The following CDH13 variants were observed in gnomAD, a reference collection of about 807,000 sequenced individuals.
CDH13 encodes cadherin-13.
Under a neutral mutation model 63.8 loss-of-function variants are expected in CDH13, and 24 were observed. The ratio of observed to expected loss-of-function variants is 0.38; its 90% CI spans 0.27 to 0.53. CDH13 has a LOEUF of 0.53. CDH13 is among the 20% of genes least tolerant of loss of function. CDH13 has a pLI of 0.85. For missense variants in CDH13, 1,049 were observed against 903.1 expected, an observed-to-expected ratio of 1.16 and a Z score of -2.07; for synonymous variants, 503 against 355.3, an observed-to-expected ratio of 1.42 and a Z score of -4.67.
intron 9 of CDH13, 145 bp from the exon 10 acceptor site, chr16:83,678,063 C>A: frequency 1.6e-6 from 1 of 636,354 alleles, no homozygotes; most frequent in Non-Finnish European, 2.7e-6. Context: ...AAAGATAGCC[C>A]CCCAGTTACA....
At chr16:83,379,532 G>A (rs2091517939) in intron 6 of CDH13, among the ~76,000 whole-genome samples, 1 of 152,170 alleles carries the variant, frequency 6.6e-6, no homozygotes, top group Admixed American at 6.5e-5. Flanking sequence ...TTACCTAAGA[G>A]TTTGATCACT....
intron 1 of CDH13, among the ~76,000 whole-genome samples, chr16:82,769,425 G>A (rs1318020734): frequency 6.6e-6 from 1 of 152,072 alleles, no homozygotes; most frequent in East Asian, 1.9e-4. Context: ...TAGAAAATGG[G>A]GTATTAAAAA....
intron 6 of CDH13, among the ~76,000 whole-genome samples, chr16:83,462,596 C>CA (rs544024539): frequency 3.9e-5 from 6 of 152,012 alleles, no homozygotes; most frequent in East Asian, 1.9e-4. Context: ...ATTAAAAATA[C>CA]AAAAAAAATA....
intron 5 of CDH13, among the ~76,000 whole-genome samples, chr16:83,301,635 C>T (rs965786849): frequency 2.6e-5 from 4 of 152,054 alleles, no homozygotes; most frequent in Admixed American, 1.3e-4. Flanking sequence ...GTGTTCCTGG[C>T]GCTGGGAGGC....
chr16:83,326,298 T>A (rs769009140), intron 5 of CDH13, among the ~76,000 whole-genome samples: 2 of 152,174 alleles, frequency 1.3e-5, no homozygotes, highest in Non-Finnish European at 2.9e-5. Context: ...ACTTCTTCTA[T>A]CCCATCACTA....
chr16:83,414,553 G>T (rs1463655710), intron 6 of CDH13, among the ~76,000 whole-genome samples: 1 of 152,084 alleles, frequency 6.6e-6, no homozygotes, highest in African/African-American at 2.4e-5. Flanking sequence ...CTTTATGCCT[G>T]TTGATTAGTA....
At chr16:82,989,173 T>TA (rs1911342122) in intron 2 of CDH13, among the ~76,000 whole-genome samples, 1 of 152,152 alleles carries the variant, frequency 6.6e-6, no homozygotes, top group Admixed American at 6.5e-5. Flanking sequence ...ATCCAACTGA[T>TA]ACCTGGAACA....
rs1174491404 is a variant in CDH13 at position 82,884,776 on chromosome 16, G to C, written c.157+26303G>C. Among the ~76,000 whole-genome samples the C allele has an allele frequency of 3.9e-5, 6 of 152,096 alleles. 1 individual carries two copies. Among genetic ancestry groups the C allele is most frequent in the Admixed American group, 3.9e-4 (6 of 15,272 alleles). On this transcript the variant is annotated intron_variant, in intron 2 of 13. Transcript: ENST00000567109. ...TTGTTTTCTCAGATTTTTCAGCCTTGTCCAATTTTTGGATAAAAATCCTTT... is the reference window on the plus strand; with the variant it reads ...TTGTTTTCTCAGATTTTTCAGCCTTCTCCAATTTTTGGATAAAAATCCTTT...
At chr16:83,191,489 GCAC>G (rs1567493056) in intron 4 of CDH13, among the ~76,000 whole-genome samples, 1 of 46,298 alleles carries the variant, frequency 2.2e-5, no homozygotes, top group Non-Finnish European at 4.4e-5. Context: ...ATATATATAT[GCAC>G]ATATATATAT....
At chr16:83,538,038 T>C (rs2150642855) in intron 7 of CDH13, among the ~76,000 whole-genome samples, 1 of 152,334 alleles carries the variant, frequency 6.6e-6, no homozygotes, top group East Asian at 1.9e-4. Flanking sequence ...ATTGCTTTGC[T>C]TGTCATTAAG....
At chr16:83,763,881 C>A (rs937406861) in intron 11 of CDH13, among the ~76,000 whole-genome samples, 2 of 152,134 alleles carry the variant, frequency 1.3e-5, no homozygotes, top group African/African-American at 2.4e-5. Context: ...GGAGGGGCAG[C>A]ACACTGGGTC....
At chr16:83,779,135 G>A (rs939206010) in intron 11 of CDH13, among the ~76,000 whole-genome samples, 2 of 152,024 alleles carry the variant, frequency 1.3e-5, no homozygotes, top group Non-Finnish European at 2.9e-5. Flanking sequence ...GGCCGGATGC[G>A]GTGGCTCATG....
chr16:82,854,025 C>G (rs180990462), intron 1 of CDH13, among the ~76,000 whole-genome samples: 8 of 152,050 alleles, frequency 5.3e-5, no homozygotes, highest in African/African-American at 1.9e-4. Flanking sequence ...ATCCCCTTAC[C>G]AAAGTTACTG....
chr16:83,121,092 GT>G (rs2035550654), intron 3 of CDH13, among the ~76,000 whole-genome samples: 2 of 152,076 alleles, frequency 1.3e-5, no homozygotes, highest in African/African-American at 4.8e-5. Flanking sequence ...TGTTGGGTTC[GT>G]TTTGGGTGGT....
Position 83,000,574 on chromosome 16 carries a change from CTT to C in CDH13, c.158-31421_158-31420del, listed in dbSNP as rs561787532. Among the ~76,000 whole-genome samples, 359 of 127,712 alleles carry C rather than the reference CTT, an allele frequency of 2.8e-3. 3 individuals are homozygous for C. Among genetic ancestry groups the C allele is most frequent in the African/African-American group, 9.2e-3 (308 of 33,434 alleles). The allele number at this position is 127,712 out of a possible 152,430, so 83.8% of individuals were successfully genotyped here. A position where few individuals can be genotyped will look rare whatever the true frequency, so the allele number is the denominator to read the frequency against. ...CAAGGTTGTCTCTTTTTTCTTTTCTCTTTTTTTTTTTTTTTTGTTTTGTTTTG... is the reference window on the plus strand; with the variant it reads ...CAAGGTTGTCTCTTTTTTCTTTTCTCTTTTTTTTTTTTTTGTTTTGTTTTG... On this transcript the variant is annotated intron_variant, in intron 2 of 13. Transcript: ENST00000567109.
chr16:83,755,532 A>C (rs1173424126), intron 11 of CDH13, among the ~76,000 whole-genome samples: 1 of 152,214 alleles, frequency 6.6e-6, no homozygotes, highest in African/African-American at 2.4e-5. Context: ...AAACAATATC[A>C]AAGAGAAAAT....
At chr16:83,723,734 T>C (rs1445512510) in intron 10 of CDH13, among the ~76,000 whole-genome samples, 1 of 152,206 alleles carries the variant, frequency 6.6e-6, no homozygotes, top group Non-Finnish European at 1.5e-5. Context: ...GAACAGAAGC[T>C]CCATGAGAAC....
intron 6 of CDH13, among the ~76,000 whole-genome samples, chr16:83,477,334 G>A (rs543434709): frequency 3.3e-5 from 5 of 152,226 alleles, no homozygotes; most frequent in Admixed American, 2.6e-4. Flanking sequence ...GCAAAGTGGA[G>A]AGGAGAAGCG....
intron 2 of CDH13, among the ~76,000 whole-genome samples, chr16:82,860,395 G>T (rs1336431502): frequency 1.5e-5 from 2 of 132,640 alleles, no homozygotes; most frequent in South Asian, 2.9e-4. Context: ...GTGTGGGGGG[G>T]GGGGCGGCGG....
Sources: allele counts gnomAD v4.1 joint callset (sites outside exome capture counted in the v4.1 genomes callset), GRCh38; gene constraint gnomAD v4.1.1; transcripts MANE v1.5; gene names NCBI Gene and HGNC (gene_info 2026-07-23, HGNC 2026-07-21).